Variants in PEX13 observed in about 807,000 individuals in gnomAD.
PEX13 encodes the protein peroxisome biogenesis factor 13.
Under a neutral mutation model 34.5 loss-of-function variants are expected in PEX13, and 28 were observed. The ratio of observed to expected loss-of-function variants is 0.81; its 90% CI spans 0.60 to 1.11. The LOEUF (loss-of-function observed/expected upper bound fraction) is 1.11. PEX13 is among the 50% of genes most tolerant of loss of function. PEX13 has a pLI of 0.00. For missense variants in PEX13, 550 were observed against 491.0 expected, an observed-to-expected ratio of 1.12 and a Z score of -1.13; for synonymous variants, 177 against 175.1, an observed-to-expected ratio of 1.01 and a Z score of -0.09.
At chr2:61,044,920 A>AT (rs1680683329) in intron 2 of PEX13, among the ~76,000 whole-genome samples, 2 of 152,198 alleles carry the variant, frequency 1.3e-5, no homozygotes, top group African/African-American at 2.4e-5. Flanking sequence ...ATGCCAGAGC[A>AT]TTTTTTGGAC....
At chr2:61,035,983 T>TAA (rs1200600005) in intron 2 of PEX13, among the ~76,000 whole-genome samples, 4 of 98,380 alleles carry the variant, frequency 4.1e-5, no homozygotes, top group Admixed American at 1.1e-4. Flanking sequence ...AACTCCATCT[T>TAA]AAAAAAAAAA....
chr2:61,031,995 T>C lies in PEX13; in HGVS notation c.669T>C (p.Ala223=), dbSNP rs1680459954. The change falls in exon 2 of 4, where the codon GCT becomes GCC. Residue 223 remains alanine (A), a synonymous_variant. Coordinates refer to ENST00000295030, the MANE Select transcript of PEX13 (RefSeq NM_002618.4). Reference sequence around the variant, plus strand: ...AAGGAACTGTGGCATGCCTTGGTGCTGAGGACCGAGCAGCTACCTCAGCAA... The same window carrying C: ...AAGGAACTGTGGCATGCCTTGGTGCCGAGGACCGAGCAGCTACCTCAGCAA... ...ESEGTVACLG[A]EDRAATSAKS... The C allele has an allele frequency of 1.2e-6, 2 of 1,613,914 alleles. No homozygotes were observed. The highest frequency in any genetic ancestry group is 8.5e-7 in the Non-Finnish European group (1 of 1,179,820).
chr2:61,034,076 A>C (rs1355091389), intron 2 of PEX13, among the ~76,000 whole-genome samples: 1 of 151,998 alleles, frequency 6.6e-6, no homozygotes, highest in Non-Finnish European at 1.5e-5. Context: ...AGCTTACTGC[A>C]ACCTCCACCT....
At chr2:61,041,973 G>A (rs1680632567) in intron 2 of PEX13, among the ~76,000 whole-genome samples, 1 of 152,198 alleles carries the variant, frequency 6.6e-6, no homozygotes, top group South Asian at 2.1e-4. Context: ...TTGAGGAGAA[G>A]CAAAATTGAG....
intron 2 of PEX13, among the ~76,000 whole-genome samples, chr2:61,045,339 A>G (rs937353695): frequency 6.6e-6 from 1 of 152,216 alleles, no homozygotes; most frequent in Non-Finnish European, 1.5e-5. Flanking sequence ...CCAAAAAGAA[A>G]CATGGTTATT....
At chr2:61,022,931 T>C (rs1485554855) in intron 1 of PEX13, among the ~76,000 whole-genome samples, 4 of 152,164 alleles carry the variant, frequency 2.6e-5, no homozygotes, top group Non-Finnish European at 5.9e-5. Flanking sequence ...CTAGGTGAAA[T>C]TGAATTTTTT....
At chr2:61,028,440 A>G (rs1451172961) in intron 1 of PEX13, among the ~76,000 whole-genome samples, 1 of 144,060 alleles carries the variant, frequency 6.9e-6, no homozygotes, top group East Asian at 2.1e-4. Flanking sequence ...CCCAGACTGG[A>G]GGGCAGTGGC....
intron 1 of PEX13, among the ~76,000 whole-genome samples, chr2:61,029,110 A>T (rs1680407318): frequency 7.1e-6 from 1 of 140,738 alleles, no homozygotes. Context: ...CTGCACTCCA[A>T]CCTCAATGAC....
In PEX13 at chr2:61,043,001, T is replaced by G. The variant is rs201967908; in HGVS notation, c.788-2725T>G. On this transcript the variant is annotated intron_variant, in intron 2 of 3. Transcript: ENST00000295030. ...GAGTTCATTATCTCGAGAGTGAGTTTGTTATACAAGCTAGTTTGGCCCTCT... is the reference window on the plus strand; with the variant it reads ...GAGTTCATTATCTCGAGAGTGAGTTGGTTATACAAGCTAGTTTGGCCCTCT... Among the ~76,000 whole-genome samples, 7 of 152,308 alleles carry G rather than the reference T, an allele frequency of 4.6e-5. No individual in the cohort carries two copies. In the East Asian group the frequency reaches 1.3e-3, roughly 29 times the overall value.
At position 61,045,745 on chromosome 2, in the gene PEX13, T is replaced by C. The variant is rs1680695699; in HGVS notation, c.807T>C (p.Ser269=). The C allele has an allele frequency of 6.2e-7, 1 of 1,613,428 alleles. No homozygotes were observed. The highest frequency in any genetic ancestry group is 8.5e-7 in the Non-Finnish European group (1 of 1,179,386). The change falls in exon 3 of 4, where the codon AGT becomes AGC. Residue 269 remains serine, a synonymous_variant. Transcript: ENST00000295030. ...TTATAGACAGCATCAACTGGGCAAGTGGTGAGGATGACCATGTAGTTGCCA... is the reference window on the plus strand; with the variant it reads ...TTATAGACAGCATCAACTGGGCAAGCGGTGAGGATGACCATGTAGTTGCCA... The part of the protein sequence containing the change: ...DEVTDSINWA[S]GEDDHVVARA...
Position 61,051,790 on chromosome 2 carries a change from A to G in PEX13, c.*3020A>G, listed in dbSNP as rs977301499. ...TCAGAAAGGAAATGGTAAAAGAACT[A>G]TACATTTTCATGTTTTAACATTTTA... On this transcript the variant is annotated 3_prime_UTR_variant, in exon 4 of 4. Transcript: ENST00000295030. The G allele has an allele frequency of 2.0e-5, 3 of 152,350 alleles. No homozygotes were observed. The highest frequency in any genetic ancestry group is 4.4e-5 in the Non-Finnish European group (3 of 68,030). The allele number at this position is 152,350 out of a possible 1,614,324, so 9.4% of individuals were successfully genotyped here.
intron 1 of PEX13, among the ~76,000 whole-genome samples, chr2:61,031,037 C>T (rs1283274339): frequency 6.6e-6 from 1 of 152,160 alleles, no homozygotes; most frequent in Non-Finnish European, 1.5e-5. Flanking sequence ...CACCTGTAAT[C>T]CCAGCACTTT....
At chr2:61,045,202 G>A (rs1245787069) in intron 2 of PEX13, among the ~76,000 whole-genome samples, 1 of 152,178 alleles carries the variant, frequency 6.6e-6, no homozygotes, top group African/African-American at 2.4e-5. Flanking sequence ...CAAAAATGCA[G>A]TACCTCAAAT....
At chr2:61,045,137 A>G (rs1244933481) in intron 2 of PEX13, among the ~76,000 whole-genome samples, 2 of 152,154 alleles carry the variant, frequency 1.3e-5, no homozygotes, top group Non-Finnish European at 2.9e-5. Flanking sequence ...AAAACCACAT[A>G]CTCATAGACT....
intron 3 of PEX13, 43 bp downstream of exon 3, chr2:61,045,894 T>C (rs1270127586): frequency 6.8e-7 from 1 of 1,479,000 alleles, no homozygotes; most frequent in Non-Finnish European, 9.5e-7. Flanking sequence ...TAAATTTTGA[T>C]ATTCATAAAT....
intron 2 of PEX13, among the ~76,000 whole-genome samples, chr2:61,043,188 C>T (rs1044083885): frequency 6.6e-6 from 1 of 151,982 alleles, no homozygotes; most frequent in Non-Finnish European, 1.5e-5. Context: ...CTGTAGTATT[C>T]TGTTAAAGTA....
intron 1 of PEX13, among the ~76,000 whole-genome samples, 193 bp from the exon 2 acceptor site, chr2:61,031,226 G>A (rs934436396): frequency 6.6e-6 from 1 of 152,178 alleles, no homozygotes; most frequent in Non-Finnish European, 1.5e-5. Context: ...GGGAGGTTGA[G>A]GCTACAGTGA....
intron 1 of PEX13, among the ~76,000 whole-genome samples, chr2:61,022,935 A>AT (rs1441857477): frequency 6.6e-6 from 1 of 151,650 alleles, no homozygotes; most frequent in East Asian, 1.9e-4. Flanking sequence ...GTGAAATTGA[A>AT]TTTTTTTTCT....
intron 2 of PEX13, among the ~76,000 whole-genome samples, chr2:61,045,171 A>G (rs1032868486): frequency 6.6e-5 from 10 of 152,238 alleles, no homozygotes; most frequent in African/African-American, 2.4e-4. Flanking sequence ...GACATTACCT[A>G]TCTGTGTGAA....
Sources: gnomAD v4.1 joint callset for allele counts (sites outside exome capture counted in the v4.1 genomes callset) on GRCh38, gnomAD v4.1.1 for gene constraint, MANE v1.5 for transcripts, NCBI Gene and HGNC (gene_info 2026-07-23, HGNC 2026-07-21) for gene names.